The following PNISR variants were observed in gnomAD, a reference collection of about 807,000 sequenced individuals.
PNISR encodes PNN interacting serine and arginine rich protein, also known as arginine/serine-rich protein PNISR.
A neutral mutation model predicts 93.4 loss-of-function variants in PNISR; 20 were observed. The ratio of observed to expected loss-of-function variants is 0.21; its 90% confidence interval spans 0.15 to 0.31. The LOEUF is 0.31. PNISR is among the 10% of genes least tolerant of loss of function. The probability of loss-of-function intolerance (pLI) is 1.00; values close to 1 mark genes in which losing one functional copy is unlikely to be tolerated. For synonymous variants in PNISR, 305 were observed against 306.5 expected, an observed-to-expected ratio of 0.99 and a Z score of 0.05; for missense variants, 893 against 985.4, an observed-to-expected ratio of 0.91 and a Z score of 1.25.
intron 2 of PNISR, 50 bp from the exon 3 acceptor site, chr6:99,414,740 T>C: frequency 1.3e-6 from 1 of 765,002 alleles, no homozygotes. Context: ...TATTTAATCT[T>C]AAAACCTCAC....
At chr6:99,407,303 G>C (rs1776281571) in intron 7 of PNISR, among the ~76,000 whole-genome samples, 1 of 144,600 alleles carries the variant, frequency 6.9e-6, no homozygotes, top group Non-Finnish European at 1.5e-5. Flanking sequence ...CTGGGCAACA[G>C]AGTGAGACCC....
At chr6:99,406,231 A>C (rs1220001980) in intron 7 of PNISR, 63 bp from the exon 8 acceptor site, 6 of 1,077,172 alleles carry the variant, frequency 5.6e-6, no homozygotes, top group Admixed American at 2.7e-5. Flanking sequence ...CTTATCTTAC[A>C]TACAGAAAAT....
chr6:99,403,776 T>C lies in PNISR; in HGVS notation c.1156+53A>G, dbSNP rs568253901. ...CAAAATAGAACACGCAGAGAGACAA[T>C]GTATGTGTGATTTTTCCCTTTAGGC... On this transcript the variant is annotated intron_variant, in intron 10 of 11. Coordinates refer to ENST00000369239, the MANE Select transcript of PNISR (RefSeq NM_032870.4). The C allele has an allele frequency of 3.3e-5, 42 of 1,265,608 alleles. No homozygotes were observed. In the East Asian group the frequency reaches 3.9e-4, roughly 12 times the overall value. 78.4% of individuals were successfully genotyped at this position (1,265,608 alleles called of 1,614,324 possible). A position where few individuals can be genotyped will look rare whatever the true frequency, so the allele number is the denominator to read the frequency against.
At chr6:99,419,947 C>A (rs72930615) in intron 1 of PNISR, among the ~76,000 whole-genome samples, 9,037 of 150,550 alleles carry the variant, frequency 0.06, 358 homozygotes, top group South Asian at 0.13. Context: ...TGCAGTGGTG[C>A]GATGTTGGCT....
intron 7 of PNISR, among the ~76,000 whole-genome samples, chr6:99,407,434 G>T (rs563803663): frequency 3.3e-5 from 5 of 151,542 alleles, no homozygotes; most frequent in Non-Finnish European, 5.9e-5. Context: ...ATTTTGCATA[G>T]ATCTTTTGGG....
At chr6:99,424,661 A>T (rs1043149052) in intron 1 of PNISR, among the ~76,000 whole-genome samples, 1 of 152,266 alleles carries the variant, frequency 6.6e-6, no homozygotes, top group Non-Finnish European at 1.5e-5. Context: ...ACCCACAAAC[A>T]AATTTGTCTA....
chr6:99,424,867 C>T, intron 1 of PNISR: 1 of 202,550 alleles, frequency 4.9e-6, no homozygotes, highest in Non-Finnish European at 9.8e-6. Context: ...CCCCCGCCTC[C>T]TCCGCCCCCA....
rs1327783882 is a variant in PNISR, at chr6:99,402,833, T to C, written c.1157-123A>G. On this transcript the variant is annotated intron_variant, in intron 10 of 11. Coordinates refer to ENST00000369239, the MANE Select transcript of PNISR (RefSeq NM_032870.4). ...GCCTTTTCCCAGAAGAATACGCTTA[T>C]TCGGGGTGGGGAGAAGTATACATTC... 8.7e-6 allele frequency: 6 copies of C among 687,458 alleles called. No individual in the cohort carries two copies. The Admixed American group carries it at 1.2e-4, about 14-fold the overall frequency. The allele number at this position is 687,458 out of a possible 1,614,324, so 42.6% of individuals were successfully genotyped here.
In PNISR at chr6:99,406,179, C is replaced by G. The variant is rs1746130721; in HGVS notation, c.865-11G>C. On this transcript the variant is annotated splice_polypyrimidine_tract_variant and intron_variant, in intron 7 of 11. Transcript: ENST00000369239. ...TTCCTCATCACTATCCTATAAAAAA[C>G]AATAGTATGGTAGTCCAAATTCATG... 6.3e-7 allele frequency: 1 copy of G among 1,588,550 alleles called. No homozygotes were observed. Among genetic ancestry groups the G allele is most frequent in the African/African-American group, 1.3e-5 (1 of 74,102 alleles).
In PNISR at chr6:99,403,836, A is replaced by G; in HGVS notation, c.1149T>C (p.Thr383=). 2 of 1,612,928 alleles carry G rather than the reference A, an allele frequency of 1.2e-6. No homozygotes were observed. Among genetic ancestry groups the G allele is most frequent in the Non-Finnish European group, 1.7e-6 (2 of 1,179,094 alleles). ...LAQSSALASL[T]GLGGLGGYGS... ...AATATGGAAAACACTTACCGAGTCC[A>G]GTGAGGGAAGCCAGTGCACTGGACT... is the stretch of plus-strand genomic sequence containing the variant. Residue 383 remains threonine (T), a synonymous_variant, in exon 10 of 12, where the codon ACT becomes ACC. Transcript: ENST00000369239.
rs777588737 is a variant in PNISR at position 99,400,911 on chromosome 6, CTTT to C, written c.2044_2046del (p.Lys682del). ...CTTTTATCCTGTTCACGTTCCCTTTCTTTGTCTTTCTTTTTCCTATCTTTATCT... is the reference window on the plus strand; with the variant it reads ...CTTTTATCCTGTTCACGTTCCCTTTCGTCTTTCTTTTTCCTATCTTTATCT... On this transcript the variant is annotated inframe_deletion, in exon 12 of 12. Coordinates refer to ENST00000369239, the MANE Select transcript of PNISR (RefSeq NM_032870.4). The C allele has an allele frequency of 1.1e-5, 17 of 1,570,258 alleles. No individual in the cohort carries two copies. The highest frequency in any genetic ancestry group is 2.2e-5 in the East Asian group (1 of 44,652).
At chr6:99,414,805 G>A (rs957113644) in intron 2 of PNISR, 115 bp from the exon 3 acceptor site, 8 of 483,974 alleles carry the variant, frequency 1.7e-5, no homozygotes, top group African/African-American at 1.2e-4. Context: ...TAAAATTCTT[G>A]TCAATAGCTT....
Position 99,403,814 on chromosome 6 carries a change from A to T in PNISR, c.1156+15T>A. 1 of 1,606,416 alleles carries T rather than the reference A, an allele frequency of 6.2e-7. No individual in the cohort carries two copies. The highest frequency in any genetic ancestry group is 1.3e-5 in the African/African-American group (1 of 74,850). On this transcript the variant is annotated intron_variant, in intron 10 of 11. Coordinates refer to ENST00000369239, the MANE Select transcript of PNISR (RefSeq NM_032870.4). ...TTTCCCTTTAGGCCCTCTCACAAAT[A>T]TGGAAAACACTTACCGAGTCCAGTG...
At chr6:99,409,607 T>C in intron 5 of PNISR, 1 of 311,264 alleles carries the variant, frequency 3.2e-6, no homozygotes, top group Non-Finnish European at 5.9e-6. Context: ...TTTTTCATTC[T>C]GAATCCATTT....
chr6:99,425,189 A>T, intron 1 of PNISR, 26 bp downstream of exon 1: 2 of 1,225,486 alleles, frequency 1.6e-6, no homozygotes. Context: ...GCAAGTGCCC[A>T]CGTATAATTG....
chr6:99,418,139 A>G (rs963955136), intron 1 of PNISR, among the ~76,000 whole-genome samples: 1 of 151,572 alleles, frequency 6.6e-6, no homozygotes, highest in Non-Finnish European at 1.5e-5. Flanking sequence ...TGTTATTATT[A>G]TTATTATATT....
At chr6:99,420,017 T>G (rs1778329508) in intron 1 of PNISR, among the ~76,000 whole-genome samples, 1 of 152,106 alleles carries the variant, frequency 6.6e-6, no homozygotes, top group African/African-American at 2.4e-5. Context: ...CCCGAGTAGC[T>G]GGGACTACAG....
rs752584531 is a variant in PNISR at position 99,400,881 on chromosome 6, CTT to C, written c.2075_2076del (p.Lys692ArgfsTer11). On this transcript the variant is annotated frameshift_variant, in exon 12 of 12. Transcript: ENST00000369239. LOFTEE classifies it high-confidence loss of function. ...KEREREQDKR[K>X]EKQKREEKDF... ...TCTTTTTCTTCCCTTTTTTGTTTCT[CTT>C]TTCTTTTATCCTGTTCACGTTCCCT... 1.3e-6 allele frequency: 2 copies of C among 1,584,036 alleles called. No individual in the cohort carries two copies. Among genetic ancestry groups the C allele is most frequent in the Non-Finnish European group, 1.7e-6 (2 of 1,159,518 alleles).
chr6:99,403,588 A>T (rs1306083513), intron 10 of PNISR: 1 of 302,270 alleles, frequency 3.3e-6, no homozygotes, highest in African/African-American at 2.2e-5. Context: ...CAATAAGGAA[A>T]TCTTCCAATA....
Sources: gnomAD v4.1 joint callset for allele counts (sites outside exome capture counted in the v4.1 genomes callset) on GRCh38, gnomAD v4.1.1 for gene constraint, MANE v1.5 for transcripts, NCBI Gene and HGNC (gene_info 2026-07-23, HGNC 2026-07-21) for gene names.